Variants in TLK2 observed in about 807,000 individuals in gnomAD.
TLK2 encodes the protein tousled like kinase 2.
TLK2 carries 6 observed loss-of-function variants against 117.3 expected under a neutral mutation model. The observed-to-expected ratio is 0.05, with a 90% CI of 0.03 to 0.10. The LOEUF is 0.10. Ranked by LOEUF, TLK2 falls within the 10% of genes least tolerant of loss-of-function variation. The pLI, the probability that TLK2 is intolerant of heterozygous loss-of-function variation, is 1.00. For missense variants in TLK2, 299 were observed against 901.2 expected (o/e 0.33, Z 8.56); for synonymous variants, 257 against 316.7 (o/e 0.81, Z 2.00).
At chr17:62,510,456 G>A (rs2075055582) in intron 2 of TLK2, among the ~76,000 whole-genome samples, 1 of 152,224 alleles carries the variant, frequency 6.6e-6, no homozygotes, top group East Asian at 1.9e-4. Flanking sequence ...ATCTGTAAGT[G>A]AGTAATAAGA....
intron 1 of TLK2, among the ~76,000 whole-genome samples, 156 bp from the exon 2 acceptor site, chr17:62,480,965 A>G (rs1168793794): frequency 3.3e-5 from 5 of 152,254 alleles, no homozygotes; most frequent in Non-Finnish European, 7.3e-5. Context: ...TGTTTGATGC[A>G]GCACATAGTA....
intron 11 of TLK2, among the ~76,000 whole-genome samples, chr17:62,566,606 A>G (rs2079816488): frequency 1.3e-5 from 2 of 152,228 alleles, no homozygotes; most frequent in African/African-American, 4.8e-5. Flanking sequence ...GCTCTTAAGC[A>G]TAGGTGGCTG....
At chr17:62,540,399 A>ATT (rs1567879183) in intron 7 of TLK2, among the ~76,000 whole-genome samples, 1 of 13,380 alleles carries the variant, frequency 7.5e-5, no homozygotes, top group African/African-American at 9.6e-5. Context: ...ATATGTTCAG[A>ATT]ATTTTTTTTT....
At chr17:62,534,742 G>A (rs1008743105) in intron 6 of TLK2, among the ~76,000 whole-genome samples, 1 of 151,516 alleles carries the variant, frequency 6.6e-6, no homozygotes, top group Admixed American at 6.6e-5. Context: ...TCATAATAAC[G>A]TTTAATATGA....
chr17:62,571,386 A>G (rs1277669703), intron 11 of TLK2, among the ~76,000 whole-genome samples: 2 of 152,218 alleles, frequency 1.3e-5, no homozygotes, highest in Non-Finnish European at 2.9e-5. Context: ...AATAATAAGG[A>G]AAAAAGTTTG....
At chr17:62,581,535 C>T (rs2081220887) in intron 15 of TLK2, among the ~76,000 whole-genome samples, 1 of 150,568 alleles carries the variant, frequency 6.6e-6, no homozygotes, top group African/African-American at 2.4e-5. Context: ...CACTCCAGAG[C>T]TGAAGTGTAC....
chr17:62,545,692 C>CTTGTTG lies in TLK2; in HGVS notation c.532-6592_532-6587dup, dbSNP rs201939423. On this transcript the variant is annotated intron_variant, in intron 7 of 21. Transcript: ENST00000346027. ...CATTTTTTAGGTTAACAAAGTTCCT[C>CTTGTTG]TTGTTGTTGTTGTTGTTGTTGTTTA... 1.1e-4 allele frequency among the ~76,000 whole-genome samples: 16 copies of CTTGTTG among 152,032 alleles called. No individual in the cohort carries two copies. In the East Asian group the frequency reaches 2.5e-3, roughly 24 times the overall value.
intron 6 of TLK2, among the ~76,000 whole-genome samples, chr17:62,533,902 C>CT (rs1184456534): frequency 3.3e-5 from 5 of 152,030 alleles, no homozygotes; most frequent in Non-Finnish European, 7.4e-5. Context: ...CTTCTTTTCC[C>CT]TTTTTTTCTA....
intron 19 of TLK2, among the ~76,000 whole-genome samples, chr17:62,604,946 C>A (rs1367768635): frequency 3.3e-5 from 5 of 152,064 alleles, no homozygotes; most frequent in Non-Finnish European, 7.3e-5. Flanking sequence ...CTGCCACTGC[C>A]ATAAAAAAGT....
chr17:62,495,806 A>G (rs372031599), intron 2 of TLK2, among the ~76,000 whole-genome samples: 1 of 151,310 alleles, frequency 6.6e-6, no homozygotes, highest in African/African-American at 2.4e-5. Flanking sequence ...TTATGGGCGC[A>G]TGCTGCCGTG....
intron 17 of TLK2, 85 bp downstream of exon 17, chr17:62,596,759 C>CATA (rs2082507690): frequency 8.8e-7 from 1 of 1,135,662 alleles, no homozygotes; most frequent in Non-Finnish European, 1.3e-6. Context: ...AACTCTGGGT[C>CATA]CAGGACATAC....
chr17:62,523,019 G>A (rs1394658536), intron 4 of TLK2, 115 bp from the exon 5 acceptor site: 7 of 1,110,924 alleles, frequency 6.3e-6, no homozygotes, highest in Non-Finnish European at 8.6e-6. Flanking sequence ...TACAAGTAAA[G>A]CTGACACTTG....
chr17:62,554,918 A>G (rs1385438153), intron 9 of TLK2, among the ~76,000 whole-genome samples: 2 of 152,026 alleles, frequency 1.3e-5, no homozygotes, highest in African/African-American at 4.8e-5. Context: ...CAAAATACAG[A>G]AAAATGTGTC....
At chr17:62,516,670 G>T in intron 2 of TLK2, 1 of 1,609,560 alleles carries the variant, frequency 6.2e-7, no homozygotes, top group Non-Finnish European at 8.5e-7. Flanking sequence ...TGCCAGCTCC[G>T]GGTGCTTAGG....
In TLK2 at chr17:62,505,407, A is replaced by ATTTTTTTTTTTTTTTTTTTTTTT. The variant is rs544900638; in HGVS notation, c.82-15362_82-15340dup. Among the ~76,000 whole-genome samples the ATTTTTTTTTTTTTTTTTTTTTTT allele has an allele frequency of 5.2e-4, 28 of 53,766 alleles. 5 individuals carry two copies. Among genetic ancestry groups the ATTTTTTTTTTTTTTTTTTTTTTT allele is most frequent in the African/African-American group, 1.8e-3 (19 of 10,816 alleles). The allele number at this position is 53,766 out of a possible 152,430, so 35.3% of individuals were successfully genotyped here. Reference sequence around the variant, plus strand: ...TACAGTCATGCACTACCATACCCAGATTTTTTTTTTTTTTTTTTTTTTTTT... The same window carrying ATTTTTTTTTTTTTTTTTTTTTTT: ...TACAGTCATGCACTACCATACCCAGATTTTTTTTTTTTTTTTTTTTTTTTTTTTTTTTTTTTTTTTTTTTTTTT... On this transcript the variant is annotated intron_variant, in intron 2 of 21. Transcript: ENST00000346027.
At chr17:62,533,380 G>GTGTGTA (rs2076878160) in intron 6 of TLK2, among the ~76,000 whole-genome samples, 1 of 145,072 alleles carries the variant, frequency 6.9e-6, no homozygotes, top group Non-Finnish European at 1.5e-5. Flanking sequence ...GTGTGTGTGT[G>GTGTGTA]TGTGTGTGTG....
In TLK2 at chr17:62,516,544, C is replaced by T. The variant is rs2075608057; in HGVS notation, c.82-4229C>T. The T allele has an allele frequency of 9.3e-6, 15 of 1,609,342 alleles. No individual in the cohort carries two copies. The East Asian group carries it at 3.3e-4, about 36-fold the overall frequency. On this transcript the variant is annotated intron_variant, in intron 2 of 21. Transcript: ENST00000346027. ...AAGGTAATCACGGAGATACTGGATA[C>T]ACTCATTGGTAAGGTACCAGTAGAA... is the stretch of plus-strand genomic sequence containing the variant.
intron 2 of TLK2, among the ~76,000 whole-genome samples, chr17:62,510,721 C>G (rs1234637981): frequency 6.6e-6 from 1 of 152,116 alleles, no homozygotes; most frequent in Non-Finnish European, 1.5e-5. Context: ...TTGTCCTGAT[C>G]TCCTCTCATA....
At chr17:62,570,058 CTG>C (rs1380604640) in intron 11 of TLK2, among the ~76,000 whole-genome samples, 3 of 152,166 alleles carry the variant, frequency 2.0e-5, no homozygotes, top group African/African-American at 7.2e-5. Context: ...CTGTGCGTCT[CTG>C]TGTCTTCTCT....
Sources: allele counts gnomAD v4.1 joint callset (sites outside exome capture counted in the v4.1 genomes callset), GRCh38; gene constraint gnomAD v4.1.1; transcripts MANE v1.5; gene names NCBI Gene and HGNC (gene_info 2026-07-23, HGNC 2026-07-21).